The following UTRN variants were observed in gnomAD, a reference collection of about 807,000 sequenced individuals.
The protein encoded by UTRN is dystrophin-related protein 1.
In UTRN, 283 loss-of-function variants were observed where a neutral mutation model predicts 463.9. That is an observed-to-expected ratio of 0.61 (90% CI 0.55 to 0.67). UTRN has a LOEUF of 0.67. Ranked by LOEUF, UTRN falls within the 30% of genes least tolerant of loss-of-function variation. The probability of loss-of-function intolerance (pLI) is 0.00; values close to 1 mark genes in which losing one functional copy is unlikely to be tolerated. For synonymous variants in UTRN, 1,442 were observed against 1,431.5 expected (o/e 1.01, Z -0.17); for missense variants, 3,922 against 4,084.3 (o/e 0.96, Z 1.08).
intron 39 of UTRN, among the ~76,000 whole-genome samples, chr6:144,518,287 A>T (rs1360667496): frequency 1.3e-5 from 2 of 152,230 alleles, no homozygotes; most frequent in Non-Finnish European, 1.5e-5. Flanking sequence ...TCATCGAAGA[A>T]ACTGTTTAGG....
chr6:144,501,063 G>A (rs977824364), intron 34 of UTRN, among the ~76,000 whole-genome samples: 5 of 152,176 alleles, frequency 3.3e-5, no homozygotes, highest in African/African-American at 1.2e-4. Context: ...TACTTTGAAT[G>A]CTCTGTGGAG....
chr6:144,641,336 A>G lies in UTRN; in HGVS notation c.7480-37070A>G, dbSNP rs570972074. Among the ~76,000 whole-genome samples, 22 of 152,330 alleles carry G rather than the reference A, an allele frequency of 1.4e-4. No homozygotes were observed. The South Asian group carries it at 4.3e-3, about 30-fold the overall frequency. On this transcript the variant is annotated intron_variant, in intron 51 of 74. Coordinates refer to ENST00000367545, the MANE Select transcript of UTRN (RefSeq NM_007124.3). ...ATTTTCTGATTGCCTATTGGTTGAA[A>G]GAATTATTCAATGTAGAAAAGAATG... is the stretch of plus-strand genomic sequence containing the variant.
intron 51 of UTRN, among the ~76,000 whole-genome samples, chr6:144,649,762 A>AT (rs1391552404): frequency 6.6e-6 from 1 of 152,104 alleles, no homozygotes; most frequent in Non-Finnish European, 1.5e-5. Flanking sequence ...TGTCATATTT[A>AT]TTTTTTATTT....
intron 2 of UTRN, among the ~76,000 whole-genome samples, chr6:144,380,535 G>A (rs1025292389): frequency 2.8e-4 from 42 of 152,320 alleles, no homozygotes; most frequent in African/African-American, 8.4e-4. Flanking sequence ...GAGGGGCCCG[G>A]CATATTGGCT....
At chr6:144,495,292 C>T (rs2128581544) in intron 33 of UTRN, among the ~76,000 whole-genome samples, 1 of 152,340 alleles carries the variant, frequency 6.6e-6, no homozygotes, top group East Asian at 1.9e-4. Context: ...GAGCCCTGCC[C>T]CGCAGGAAGG....
Position 144,426,424 on chromosome 6 carries a change from T to G in UTRN, c.543T>G (p.Asp181Glu). ...TCAACTTCACCACCAGCTGGACAGA[T>G]GGACTCGCCTTTAATGCTGTCCTCC... ...NVLNFTTSWT[D>E]GLAFNAVLHR... Residue 181 changes from aspartate (D) to glutamate (E), a missense_variant, in exon 7 of 75, where the codon GAT becomes GAG. Physicochemically the swap from Asp to Glu is conservative, Grantham distance 45 (BLOSUM62 2). Coordinates refer to ENST00000367545, the MANE Select transcript of UTRN (RefSeq NM_007124.3). 2 of 1,614,144 alleles carry G rather than the reference T, an allele frequency of 1.2e-6. No individual in the cohort carries two copies.
At chr6:144,826,095 T>C (rs1780154251) in intron 66 of UTRN, among the ~76,000 whole-genome samples, 1 of 151,494 alleles carries the variant, frequency 6.6e-6, no homozygotes, top group African/African-American at 2.4e-5. Context: ...CATGTATACA[T>C]ATGTAACAAA....
chr6:144,410,484 A>G (rs901676168), intron 3 of UTRN, among the ~76,000 whole-genome samples: 2 of 152,058 alleles, frequency 1.3e-5, no homozygotes, highest in Non-Finnish European at 2.9e-5. Flanking sequence ...AAGTTCTTTA[A>G]CGGTGATTTG....
intron 2 of UTRN, 121 bp from the exon 3 acceptor site, chr6:144,403,002 C>CG: frequency 1.2e-6 from 1 of 848,068 alleles, no homozygotes; most frequent in Non-Finnish European, 1.9e-6. Flanking sequence ...TCATTGTGCT[C>CG]AAGGAGCTCG....
intron 51 of UTRN, among the ~76,000 whole-genome samples, chr6:144,598,279 G>A (rs953733816): frequency 3.9e-5 from 6 of 152,134 alleles, no homozygotes; most frequent in African/African-American, 7.2e-5. Context: ...CCAAAAAGGC[G>A]GGACAACTTG....
chr6:144,442,977 A>C (rs1787322636), intron 13 of UTRN, among the ~76,000 whole-genome samples: 1 of 152,208 alleles, frequency 6.6e-6, no homozygotes, highest in South Asian at 2.1e-4. Context: ...TGCATAGTAA[A>C]GTTTGAGAAT....
At position 144,567,366 on chromosome 6, in the gene UTRN, T is replaced by C. The variant is rs1183067999; in HGVS notation, c.7290-9733T>C. 2.0e-5 allele frequency among the ~76,000 whole-genome samples: 3 copies of C among 152,128 alleles called. No individual in the cohort carries two copies. The East Asian group carries it at 5.8e-4, about 29-fold the overall frequency. On this transcript the variant is annotated intron_variant, in intron 50 of 74. Coordinates refer to ENST00000367545, the MANE Select transcript of UTRN (RefSeq NM_007124.3). ...TATTGGTTGACTAATGAAGACCAAA[T>C]ATCTGGTAGTGACTTAGCTAAAGGG...
chr6:144,409,723 G>A (rs1462519057), intron 3 of UTRN, among the ~76,000 whole-genome samples: 3 of 152,118 alleles, frequency 2.0e-5, no homozygotes, highest in African/African-American at 7.2e-5. Flanking sequence ...AATTGCCACA[G>A]GTAACCATCC....
chr6:144,520,642 T>A (rs984237074), intron 39 of UTRN, among the ~76,000 whole-genome samples: 1 of 152,238 alleles, frequency 6.6e-6, no homozygotes, highest in Non-Finnish European at 1.5e-5. Flanking sequence ...AATAATGCAG[T>A]CCTCTAGGTT....
chr6:144,797,314 G>A lies in UTRN; in HGVS notation c.9079-510G>A, dbSNP rs370263725. ...AGCGATTCTCCTGCCTCAGCCTCCC[G>A]AGTAGCTGGGACTACAGGTGCACGC... is the stretch of plus-strand genomic sequence containing the variant. On this transcript the variant is annotated intron_variant, in intron 63 of 74. Transcript: ENST00000367545. Among the ~76,000 whole-genome samples, 5 of 151,824 alleles carry A rather than the reference G, an allele frequency of 3.3e-5. No individual in the cohort carries two copies. In the East Asian group the frequency reaches 5.8e-4, roughly 18 times the overall value.
chr6:144,685,493 C>G (rs950851592), intron 52 of UTRN, among the ~76,000 whole-genome samples: 1 of 152,150 alleles, frequency 6.6e-6, no homozygotes, highest in Non-Finnish European at 1.5e-5. Context: ...AGTGTTTAAG[C>G]ATCCCCATTT....
intron 53 of UTRN, among the ~76,000 whole-genome samples, chr6:144,712,304 C>T (rs1434963339): frequency 6.6e-6 from 1 of 152,160 alleles, no homozygotes; most frequent in East Asian, 1.9e-4. Context: ...TGCACCTGGA[C>T]TTGTCTCCTA....
At chr6:144,422,020 C>A in intron 4 of UTRN, 50 bp downstream of exon 4, 1 of 1,465,226 alleles carries the variant, frequency 6.8e-7, no homozygotes, top group Non-Finnish European at 9.4e-7. Context: ...ATTGCTGATA[C>A]TTGATGACCC....
chr6:144,734,258 A>G (rs1789112396), intron 54 of UTRN, among the ~76,000 whole-genome samples: 1 of 152,220 alleles, frequency 6.6e-6, no homozygotes, highest in Admixed American at 6.5e-5. Context: ...ACTGTAGAGA[A>G]TTCTTTGAAA....
Sources: gnomAD v4.1 joint callset for allele counts (sites outside exome capture counted in the v4.1 genomes callset) on GRCh38, gnomAD v4.1.1 for gene constraint, MANE v1.5 for transcripts, NCBI Gene and HGNC (gene_info 2026-07-23, HGNC 2026-07-21) for gene names.